AGO2: variants seen among roughly 807,000 people sequenced by gnomAD.
AGO2 encodes the protein protein argonaute-2.
A neutral mutation model predicts 102.3 loss-of-function variants in AGO2; 5 were observed. The observed-to-expected ratio is 0.05, with a 90% CI of 0.03 to 0.10. The LOEUF (loss-of-function observed/expected upper bound fraction) is 0.10, where lower values mean the gene tolerates loss of function less well. Ranked by LOEUF, AGO2 falls within the 10% of genes least tolerant of loss-of-function variation. AGO2 has a pLI of 1.00. For missense variants in AGO2, 541 were observed against 1,183.7 expected (o/e 0.46, Z 7.97); for synonymous variants, 449 against 473.1 (o/e 0.95, Z 0.66).
chr8:140,585,325 G>C lies in AGO2; in HGVS notation c.23-14C>G, dbSNP rs368886880. The C allele has an allele frequency of 6.2e-7, 1 of 1,612,360 alleles. No homozygotes were observed. Among genetic ancestry groups the C allele is most frequent in the Non-Finnish European group, 8.5e-7 (1 of 1,179,088 alleles). On this transcript the variant is annotated splice_polypyrimidine_tract_variant and intron_variant, in intron 1 of 18. Transcript: ENST00000220592. Reference sequence around the variant, plus strand: ...GAGGTGCAAGTGCTGGAATGGCAGAGAGAACACCCATTAACGGGGGAGCAG... The same window carrying C: ...GAGGTGCAAGTGCTGGAATGGCAGACAGAACACCCATTAACGGGGGAGCAG...
At chr8:140,604,704 G>A (rs1379102855) in intron 1 of AGO2, among the ~76,000 whole-genome samples, 2 of 151,862 alleles carry the variant, frequency 1.3e-5, no homozygotes, top group African/African-American at 4.8e-5. Flanking sequence ...GCGGGTGCCT[G>A]TAGTCCCAGC....
At chr8:140,554,578 A>C (rs2073062286) in intron 10 of AGO2, among the ~76,000 whole-genome samples, 1 of 152,354 alleles carries the variant, frequency 6.6e-6, no homozygotes, top group African/African-American at 2.4e-5. Flanking sequence ...AGGAGAAGGA[A>C]CACCAACTGC....
At chr8:140,582,503 G>A (rs1164903731) in intron 2 of AGO2, among the ~76,000 whole-genome samples, 1 of 152,146 alleles carries the variant, frequency 6.6e-6, no homozygotes, top group Non-Finnish European at 1.5e-5. Flanking sequence ...AACACTTCTA[G>A]TCCTAAGCAT....
In AGO2 at chr8:140,549,221, T is replaced by A; in HGVS notation, c.1481A>T (p.Tyr494Phe). ...PIQGQPCFCK[Y>F]AQGADSVEPM... is the part of the protein sequence containing the mutation. The stretch of plus-strand genomic sequence containing the variant: ...CTCCACGCTGTCCGCCCCCTGCGCG[T>A]ATTTGCAGAAGCACGGCTGGCCCTG... Residue 494 changes from tyrosine (Y) to phenylalanine (F), a missense_variant, in exon 12 of 19, where the codon TAC becomes TTC. This residue lies in a region of AGO2 where 309 missense variants were observed against 735.1 expected (regional missense o/e 0.42). Transcript: ENST00000220592. 1.9e-6 allele frequency: 3 copies of A among 1,613,578 alleles called. No individual in the cohort carries two copies. Among genetic ancestry groups the A allele is most frequent in the Non-Finnish European group, 2.5e-6 (3 of 1,179,758 alleles).
chr8:140,615,734 T>C (rs891127248), intron 1 of AGO2, among the ~76,000 whole-genome samples: 2 of 152,272 alleles, frequency 1.3e-5, no homozygotes, highest in African/African-American at 4.8e-5. Flanking sequence ...TGCTTGCTCA[T>C]GCCTGTGGCA....
chr8:140,611,716 A>G (rs1564116037), intron 1 of AGO2, among the ~76,000 whole-genome samples: 2 of 152,104 alleles, frequency 1.3e-5, no homozygotes, highest in South Asian at 4.1e-4. Context: ...AGGCTACCCC[A>G]AGGAGAGGCA....
At chr8:140,635,057 G>C (rs1254720219) in intron 1 of AGO2, among the ~76,000 whole-genome samples, 3 of 149,096 alleles carry the variant, frequency 2.0e-5, no homozygotes, top group Non-Finnish European at 4.5e-5. Flanking sequence ...GCCGGGCTGC[G>C]GCGCCCCCAT....
At chr8:140,553,486 C>T (rs568539472) in intron 10 of AGO2, among the ~76,000 whole-genome samples, 2 of 150,506 alleles carry the variant, frequency 1.3e-5, no homozygotes, top group African/African-American at 2.5e-5. Flanking sequence ...CTTGGCTCAC[C>T]GCAACCTCTG....
chr8:140,557,040 A>G lies in AGO2; in HGVS notation c.1026+49T>C, dbSNP rs762168859. On this transcript the variant is annotated intron_variant, in intron 8 of 18. Coordinates refer to ENST00000220592, the MANE Select transcript of AGO2 (RefSeq NM_012154.5). This position sits in a 1 kb window ranked among gnomAD's most constrained non-coding sequence, Gnocchi z 5.9. ...TCGAAGCTGCATGCCCCAGCCTGGG[A>G]CGCCGCCCTCCCAAGCCCCCAGAGA... is the stretch of plus-strand genomic sequence containing the variant. The G allele has an allele frequency of 9.5e-6, 15 of 1,571,796 alleles. No homozygotes were observed. In the Admixed American group the frequency reaches 2.5e-4, roughly 26 times the overall value.
intron 15 of AGO2, 133 bp downstream of exon 15, chr8:140,541,031 G>T: frequency 9.2e-7 from 1 of 1,086,206 alleles, no homozygotes; most frequent in Non-Finnish European, 1.3e-6. Flanking sequence ...CCCTTCCATG[G>T]TGTGACCAGA....
At chr8:140,546,545 C>T (rs922119923) in intron 13 of AGO2, among the ~76,000 whole-genome samples, 1 of 152,196 alleles carries the variant, frequency 6.6e-6, no homozygotes, top group Non-Finnish European at 1.5e-5. Context: ...TAAGGCAGTT[C>T]GATTTAGGAT....
chr8:140,596,343 G>T (rs1048218637), intron 1 of AGO2, among the ~76,000 whole-genome samples: 1 of 152,212 alleles, frequency 6.6e-6, no homozygotes, highest in Non-Finnish European at 1.5e-5. Flanking sequence ...CAGCATTTTG[G>T]GAGGCCAAGG....
intron 3 of AGO2, among the ~76,000 whole-genome samples, chr8:140,571,452 T>C (rs1588468270): frequency 6.6e-6 from 1 of 152,234 alleles, no homozygotes; most frequent in Non-Finnish European, 1.5e-5. Flanking sequence ...CAAGCGTGAT[T>C]GCACCATTGC....
At chr8:140,633,351 A>G (rs549410173) in intron 1 of AGO2, among the ~76,000 whole-genome samples, 19 of 152,268 alleles carry the variant, frequency 1.2e-4, no homozygotes, top group African/African-American at 4.6e-4. Flanking sequence ...CGTTTGTACA[A>G]CCTGAAACTT....
intron 1 of AGO2, among the ~76,000 whole-genome samples, chr8:140,608,576 G>A (rs942181739): frequency 1.8e-4 from 27 of 152,228 alleles, no homozygotes; most frequent in African/African-American, 6.5e-4. Context: ...AGACACCGTG[G>A]ACGGAGCAGG....
intron 1 of AGO2, among the ~76,000 whole-genome samples, chr8:140,625,865 A>C (rs1588516956): frequency 6.6e-6 from 1 of 152,248 alleles, no homozygotes; most frequent in East Asian, 1.9e-4. Context: ...CAGCGAAGTT[A>C]AGGTGTGATG....
chr8:140,586,667 C>T (rs2073661745), intron 1 of AGO2, among the ~76,000 whole-genome samples: 1 of 152,178 alleles, frequency 6.6e-6, no homozygotes, highest in Admixed American at 6.5e-5. Flanking sequence ...GTGGACATCA[C>T]AGTCCAGGTG....
intron 2 of AGO2, among the ~76,000 whole-genome samples, chr8:140,584,466 C>T (rs2073616362): frequency 6.6e-6 from 1 of 152,168 alleles, no homozygotes; most frequent in African/African-American, 2.4e-5. Flanking sequence ...GCCCTTCGGC[C>T]CAGCAATTCT....
Position 140,635,500 on chromosome 8 carries a change from A to T in AGO2, c.7T>A (p.Ser3Thr), listed in dbSNP as rs2074396300. Residue 3 changes from serine to threonine, a missense_variant, in exon 1 of 19, where the codon TCG becomes ACG. Physicochemically the swap from Ser to Thr is moderately conservative, Grantham distance 58. Around this residue, in one of 6 missense-constraint regions of AGO2, gnomAD observed 147 missense variants for 204.1 expected, o/e 0.72. Coordinates refer to ENST00000220592, the MANE Select transcript of AGO2 (RefSeq NM_012154.5). Reference protein sequence around the residue: MYSGAGPALAPPA... With the variant: MYTGAGPALAPPA... ...CAGGACTCACCGGGGCCGGCTCCCG[A>T]GTACATGGTGGCGCCGCCGAGGGGC... 1 of 979,224 alleles carries T rather than the reference A, an allele frequency of 1.0e-6. No homozygotes were observed. The highest frequency in any genetic ancestry group is 1.2e-6 in the Non-Finnish European group (1 of 827,650). 60.7% of individuals were successfully genotyped at this position (979,224 alleles called of 1,614,324 possible). A position where few individuals can be genotyped will look rare whatever the true frequency, so the allele number is the denominator to read the frequency against.
Sources: gnomAD v4.1 joint callset for allele counts (sites outside exome capture counted in the v4.1 genomes callset) on GRCh38, gnomAD v4.1.1 for gene constraint, gnomAD v4.1.1 regional missense constraint, Gnocchi (gnomAD v3.1) non-coding constraint, MANE v1.5 for transcripts, NCBI Gene and HGNC (gene_info 2026-07-23, HGNC 2026-07-21) for gene names.